Variants in POTEJ observed in about 807,000 individuals in gnomAD.
POTEJ encodes POTE ankyrin domain family member J.
In POTEJ, 11 loss-of-function variants were observed where a neutral mutation model predicts 69.0. The observed-to-expected ratio is 0.16, with a 90% confidence interval of 0.10 to 0.26. The LOEUF is 0.26. Ranked by LOEUF, POTEJ falls within the 10% of genes least tolerant of loss-of-function variation. The probability of loss-of-function intolerance (pLI) is 1.00; values close to 1 mark genes in which losing one functional copy is unlikely to be tolerated. For synonymous variants in POTEJ, 117 were observed against 381.1 expected (o/e 0.31, Z 8.07); for missense variants, 327 against 1,045.5 (o/e 0.31, Z 9.48).
intron 10 of POTEJ, among the ~76,000 whole-genome samples, chr2:130,642,015 AAG>A (rs1221374906): frequency 9.9e-5 from 15 of 151,542 alleles, no homozygotes; most frequent in African/African-American, 3.6e-4. Context: ...CCAGAAAAGA[AAG>A]AGCAAGGAGC....
At chr2:130,643,528 A>AG (rs1686472845) in intron 10 of POTEJ, among the ~76,000 whole-genome samples, 1 of 144,124 alleles carries the variant, frequency 6.9e-6, no homozygotes, top group African/African-American at 2.6e-5. Context: ...TAAAAAAAAA[A>AG]AAAGAAAAAA....
At chr2:130,618,774 C>CTTT (rs1204750696) in intron 3 of POTEJ, among the ~76,000 whole-genome samples, 75 of 32,208 alleles carry the variant, frequency 2.3e-3, no homozygotes, top group African/African-American at 7.1e-3. Flanking sequence ...ATTAATCTGA[C>CTTT]TTTTTTTTTT....
At chr2:130,638,174 G>T (rs1241397804) in intron 9 of POTEJ, among the ~76,000 whole-genome samples, 1 of 150,746 alleles carries the variant, frequency 6.6e-6, no homozygotes, top group Non-Finnish European at 1.5e-5. Flanking sequence ...TTATTCCATT[G>T]TTTTACTATT....
At chr2:130,642,217 G>A (rs1185050004) in intron 10 of POTEJ, among the ~76,000 whole-genome samples, 2 of 135,094 alleles carry the variant, frequency 1.5e-5, no homozygotes, top group Admixed American at 7.7e-5. Flanking sequence ...TTTTTGTATG[G>A]GATAGTATTT....
Position 130,656,626 on chromosome 2 carries a change from A to G in POTEJ, c.1866A>G (p.Arg622=), listed in dbSNP as rs2105268569. The change falls in exon 15 of 15, where the codon AGA becomes AGG. Residue 622 remains arginine (R), a synonymous_variant. Transcript: ENST00000409602. ...TGCGGGAAGAAATTGCCATGCTAAG[A>G]CTGGAGCTAGACACAATGAAACATC... is the stretch of plus-strand genomic sequence containing the variant. ...SMLREEIAML[R]LELDTMKHQS... is the part of the protein sequence containing the mutation. 1 of 1,609,944 alleles carries G rather than the reference A, an allele frequency of 6.2e-7. No individual in the cohort carries two copies. The highest frequency in any genetic ancestry group is 1.7e-5 in the Admixed American group (1 of 59,968).
intron 1 of POTEJ, among the ~76,000 whole-genome samples, chr2:130,612,979 G>A (rs899105169): frequency 7.4e-6 from 1 of 135,440 alleles, no homozygotes; most frequent in Non-Finnish European, 1.6e-5. Flanking sequence ...TTTACTAACA[G>A]CTGAAAAGAC....
chr2:130,633,010 A>G (rs1381651515), intron 9 of POTEJ, among the ~76,000 whole-genome samples: 1 of 146,886 alleles, frequency 6.8e-6, no homozygotes, highest in African/African-American at 2.6e-5. Context: ...CAAAACACCA[A>G]AAGTTAGTTT....
intron 14 of POTEJ, among the ~76,000 whole-genome samples, 161 bp downstream of exon 14, chr2:130,655,202 T>C (rs1245169962): frequency 6.6e-6 from 1 of 151,774 alleles, no homozygotes; most frequent in Admixed American, 6.6e-5. Context: ...TAAAGCCATG[T>C]TCTTAATTCA....
At chr2:130,626,806 A>G (rs1685726219) in intron 6 of POTEJ, among the ~76,000 whole-genome samples, 1 of 152,182 alleles carries the variant, frequency 6.6e-6, no homozygotes, top group South Asian at 2.1e-4. Context: ...AATCTCAACT[A>G]CTTGTTTTAA....
intron 6 of POTEJ, among the ~76,000 whole-genome samples, chr2:130,628,807 G>A (rs1354863457): frequency 6.7e-6 from 1 of 149,902 alleles, no homozygotes; most frequent in African/African-American, 2.5e-5. Context: ...AGATCACAAG[G>A]TCAAAAGATC....
chr2:130,627,440 CA>C (rs1044253797), intron 6 of POTEJ, among the ~76,000 whole-genome samples: 11 of 141,196 alleles, frequency 7.8e-5, no homozygotes, highest in African/African-American at 3.2e-4. Context: ...TGATACTCTC[CA>C]TGACCTGTGT....
intron 3 of POTEJ, among the ~76,000 whole-genome samples, chr2:130,619,418 C>A: frequency 1.0e-5 from 1 of 98,476 alleles, no homozygotes; most frequent in African/African-American, 4.3e-5. Flanking sequence ...CACTAAAAAC[C>A]ATGGAGTTAT....
In POTEJ at chr2:130,657,701, G is replaced by T; in HGVS notation, c.2941G>T (p.Ala981Ser). The T allele has an allele frequency of 7.0e-7, 1 of 1,420,624 alleles. No homozygotes were observed. Among genetic ancestry groups the T allele is most frequent in the South Asian group, 1.2e-5 (1 of 86,176 alleles). 88.0% of individuals were successfully genotyped at this position (1,420,624 alleles called of 1,614,324 possible). ...GGCCCACAGAATGCAGAAGGAGATC[G>T]CTGCCCTGGCGCCTAGCATGATGAA... The part of the protein sequence containing the change: ...GMAHRMQKEI[A>S]ALAPSMMKIR... Residue 981 changes from alanine to serine, a missense_variant, in exon 15 of 15, where the codon GCT becomes TCT. Ala to Ser is a moderately conservative substitution (Grantham distance 99). Coordinates refer to ENST00000409602, the MANE Select transcript of POTEJ (RefSeq NM_001277083.2).
At chr2:130,614,788 AT>A (rs546097252) in intron 1 of POTEJ, among the ~76,000 whole-genome samples, 1,396 of 71,342 alleles carry the variant, frequency 0.02, 11 homozygotes, top group Non-Finnish European at 0.027. Flanking sequence ...CTCACATTCT[AT>A]TATTTATTTT....
At position 130,622,571 on chromosome 2, in the gene POTEJ, C is replaced by A. The variant is rs1302262913; in HGVS notation, c.944+968C>A. On this transcript the variant is annotated intron_variant, in intron 5 of 14. Coordinates refer to ENST00000409602, the MANE Select transcript of POTEJ (RefSeq NM_001277083.2). ...AGGCACCTTTATATCCTGTATAGAA[C>A]CTTGGGCAGTAGAAAGTCCCATATG... Among the ~76,000 whole-genome samples, 4 of 136,882 alleles carry A rather than the reference C, an allele frequency of 2.9e-5. No individual in the cohort carries two copies. The South Asian group carries it at 6.9e-4, about 24-fold the overall frequency. The allele number at this position is 136,882 out of a possible 152,430, so 89.8% of individuals were successfully genotyped here.
At chr2:130,655,224 C>T (rs868720237) in intron 14 of POTEJ, among the ~76,000 whole-genome samples, 183 bp downstream of exon 14, 1,562 of 135,348 alleles carry the variant, frequency 0.012, no homozygotes, top group Middle Eastern at 0.029. Flanking sequence ...CTTCATTTGC[C>T]TGCAACAGTT....
At chr2:130,624,553 A>G (rs1197108345) in intron 6 of POTEJ, among the ~76,000 whole-genome samples, 3 of 152,016 alleles carry the variant, frequency 2.0e-5, no homozygotes, top group Admixed American at 2.0e-4. Flanking sequence ...ACAGGCGGTA[A>G]TATGAGCCAT....
At chr2:130,640,767 T>C (rs574257609) in intron 10 of POTEJ, among the ~76,000 whole-genome samples, 1 of 152,308 alleles carries the variant, frequency 6.6e-6, no homozygotes, top group South Asian at 2.1e-4. Context: ...AAATACCTGA[T>C]TAGCTTAGAA....
At chr2:130,612,942 G>A (rs1203718631) in intron 1 of POTEJ, among the ~76,000 whole-genome samples, 1 of 134,474 alleles carries the variant, frequency 7.4e-6, no homozygotes, top group Non-Finnish European at 1.6e-5. Context: ...ATCAAAATGT[G>A]CATGTGTTAT....
Sources: gnomAD v4.1 joint callset for allele counts (sites outside exome capture counted in the v4.1 genomes callset) on GRCh38, gnomAD v4.1.1 for gene constraint, MANE v1.5 for transcripts, NCBI Gene and HGNC (gene_info 2026-07-23, HGNC 2026-07-21) for gene names.